The following CDH13 variants were observed in gnomAD, a reference collection of about 807,000 sequenced individuals.
The protein encoded by CDH13 is cadherin-13.
A neutral mutation model predicts 63.8 loss-of-function variants in CDH13; 24 were observed. That is an observed-to-expected ratio of 0.38 (90% CI 0.27 to 0.53). The LOEUF is 0.53. Ranked by LOEUF, CDH13 falls within the 20% of genes least tolerant of loss-of-function variation. CDH13 has a pLI of 0.85. For synonymous variants in CDH13, 503 were observed against 355.3 expected (o/e 1.42, Z -4.67); for missense variants, 1,049 against 903.1 (o/e 1.16, Z -2.07).
At chr16:83,181,843 A>T (rs577527259) in intron 4 of CDH13, among the ~76,000 whole-genome samples, 1 of 152,268 alleles carries the variant, frequency 6.6e-6, no homozygotes, top group East Asian at 1.9e-4. Context: ...CACAGTTTGC[A>T]TAGATTTCCC....
chr16:82,831,914 T>C (rs1180724817), intron 1 of CDH13, among the ~76,000 whole-genome samples: 1 of 152,122 alleles, frequency 6.6e-6, no homozygotes, highest in East Asian at 1.9e-4. Context: ...CTGTTAATGG[T>C]GAAATTACAT....
intron 4 of CDH13, chr16:83,171,551 A>T: frequency 6.5e-7 from 1 of 1,534,386 alleles, no homozygotes; most frequent in Non-Finnish European, 8.7e-7. Context: ...TGTGCCTAGC[A>T]CGATGGCTGA....
At chr16:82,776,297 G>C (rs1198565876) in intron 1 of CDH13, among the ~76,000 whole-genome samples, 1 of 151,696 alleles carries the variant, frequency 6.6e-6, no homozygotes, top group Non-Finnish European at 1.5e-5. Flanking sequence ...AGGAAGGAAA[G>C]AAGGAGAGAA....
intron 1 of CDH13, among the ~76,000 whole-genome samples, chr16:82,646,492 C>T (rs1910112267): frequency 6.6e-6 from 1 of 152,150 alleles, no homozygotes; most frequent in African/African-American, 2.4e-5. Flanking sequence ...CCGCGCCTGG[C>T]CTAAGCACAT....
intron 5 of CDH13, among the ~76,000 whole-genome samples, chr16:83,263,938 T>C (rs920056101): frequency 5.9e-5 from 9 of 152,182 alleles, no homozygotes; most frequent in Non-Finnish European, 1.3e-4. Context: ...ATGCAGAGAC[T>C]CAATTTAACA....
chr16:83,351,787 A>C (rs535563747), intron 6 of CDH13, among the ~76,000 whole-genome samples: 1 of 152,336 alleles, frequency 6.6e-6, no homozygotes, highest in South Asian at 2.1e-4. Context: ...ATCCCTATTC[A>C]GGTGATGCTT....
chr16:82,983,424 T>C (rs1910541030), intron 2 of CDH13, among the ~76,000 whole-genome samples: 1 of 152,204 alleles, frequency 6.6e-6, no homozygotes, highest in Admixed American at 6.5e-5. Context: ...TATGTCATAG[T>C]CTGAGTTTGG....
intron 4 of CDH13, among the ~76,000 whole-genome samples, chr16:83,155,213 G>A (rs2037158072): frequency 6.6e-6 from 1 of 152,204 alleles, no homozygotes; most frequent in Admixed American, 6.5e-5. Flanking sequence ...ATTATATAAG[G>A]AAAGGACAGA....
chr16:82,777,510 G>T (rs1475256062), intron 1 of CDH13, among the ~76,000 whole-genome samples: 1 of 152,172 alleles, frequency 6.6e-6, no homozygotes, highest in Non-Finnish European at 1.5e-5. Context: ...TCAGGTAGAT[G>T]CAATAGGCCT....
At chr16:83,019,781 C>T (rs1270713242) in intron 2 of CDH13, among the ~76,000 whole-genome samples, 2 of 149,856 alleles carry the variant, frequency 1.3e-5, no homozygotes, top group Non-Finnish European at 3.0e-5. Flanking sequence ...CAAGCGTGAG[C>T]CACCATGCCC....
chr16:83,272,797 A>C (rs79757923), intron 5 of CDH13, among the ~76,000 whole-genome samples: 12,448 of 152,298 alleles, frequency 0.082, 702 homozygotes, highest in Non-Finnish European at 0.13. Context: ...AACGTGGGAA[A>C]TGTGGTCTGT....
In CDH13 at chr16:83,428,447, T is replaced by C. The variant is rs182131454; in HGVS notation, c.782-58030T>C. On this transcript the variant is annotated intron_variant, in intron 6 of 13. Transcript: ENST00000567109. ...TTTTTCCATTGACAAGATTCATTTT[T>C]AATTGTGTTGTCAAGTTAGAGAATA... Among the ~76,000 whole-genome samples the C allele has an allele frequency of 5.3e-5, 8 of 152,278 alleles. No individual in the cohort carries two copies. In the East Asian group the frequency reaches 1.5e-3, roughly 29 times the overall value.
intron 5 of CDH13, among the ~76,000 whole-genome samples, chr16:83,302,460 G>A (rs938392407): frequency 6.6e-6 from 1 of 152,106 alleles, no homozygotes; most frequent in South Asian, 2.1e-4. Flanking sequence ...TGTCAAGAAG[G>A]CATTTTTCAC....
intron 10 of CDH13, among the ~76,000 whole-genome samples, chr16:83,678,689 G>T (rs1012409309): frequency 6.6e-6 from 1 of 152,170 alleles, no homozygotes; most frequent in African/African-American, 2.4e-5. Context: ...TGGGAGAAGA[G>T]TAGCTTCAGT....
rs1912275107 is a variant in CDH13 at position 82,996,912 on chromosome 16, TTGA to T, written c.158-35096_158-35094del. On this transcript the variant is annotated intron_variant, in intron 2 of 13. Transcript: ENST00000567109. ...GATGCTGATGGCGGTGATGGTGATG[TTGA>T]TTATTATGGTAATGATAATTACGAT... Among the ~76,000 whole-genome samples the T allele has an allele frequency of 2.7e-5, 4 of 149,278 alleles. No individual in the cohort carries two copies. The East Asian group carries it at 6.0e-4, about 22-fold the overall frequency.
chr16:82,744,612 A>G (rs754428037), intron 1 of CDH13, among the ~76,000 whole-genome samples: 7 of 152,134 alleles, frequency 4.6e-5, no homozygotes, highest in Non-Finnish European at 8.8e-5. Flanking sequence ...AGAAGGAGCT[A>G]TAACAGGGTT....
At chr16:82,888,874 T>C (rs2040981971) in intron 2 of CDH13, among the ~76,000 whole-genome samples, 1 of 152,220 alleles carries the variant, frequency 6.6e-6, no homozygotes, top group African/African-American at 2.4e-5. Context: ...TTATAAAATG[T>C]CTGTCTTGAG....
intron 5 of CDH13, among the ~76,000 whole-genome samples, chr16:83,310,075 C>T (rs761485426): frequency 6.6e-6 from 1 of 152,088 alleles, no homozygotes; most frequent in Non-Finnish European, 1.5e-5. Flanking sequence ...TTTATAAGGT[C>T]CCTTATGAAA....
At chr16:82,979,974 A>G (rs1207516337) in intron 2 of CDH13, among the ~76,000 whole-genome samples, 1 of 152,164 alleles carries the variant, frequency 6.6e-6, no homozygotes, top group African/African-American at 2.4e-5. Context: ...TAGATGACTC[A>G]CTGAAATTTA....
Sources: gnomAD v4.1 joint callset for allele counts (sites outside exome capture counted in the v4.1 genomes callset) on GRCh38, gnomAD v4.1.1 for gene constraint, MANE v1.5 for transcripts, NCBI Gene and HGNC (gene_info 2026-07-23, HGNC 2026-07-21) for gene names.